ATXN1: variants seen among roughly 807,000 people sequenced by gnomAD.
The protein encoded by ATXN1 is ataxin 1.
ATXN1 carries 8 observed loss-of-function variants against 56.4 expected under a neutral mutation model. The ratio of observed to expected loss-of-function variants is 0.14; its 90% CI spans 0.08 to 0.26. The LOEUF (loss-of-function observed/expected upper bound fraction) is 0.26. Ranked by LOEUF, ATXN1 falls within the 10% of genes least tolerant of loss-of-function variation. The probability of loss-of-function intolerance (pLI) is 1.00; values close to 1 mark genes in which losing one functional copy is unlikely to be tolerated. For missense variants in ATXN1, 987 were observed against 1,106.5 expected (o/e 0.89, Z 1.53); for synonymous variants, 514 against 494.6 (o/e 1.04, Z -0.52).
intron 7 of ATXN1, among the ~76,000 whole-genome samples, chr6:16,315,954 T>C (rs150153668): frequency 7.1e-4 from 108 of 152,212 alleles, no homozygotes; most frequent in African/African-American, 2.5e-3. Flanking sequence ...AGTGCTGAGA[T>C]TACAAGCATG....
intron 1 of ATXN1, 100 bp from the exon 2 acceptor site, chr6:16,753,447 T>C (rs1760788832): frequency 2.4e-6 from 1 of 423,440 alleles, no homozygotes; most frequent in African/African-American, 2.0e-5. Flanking sequence ...TGCACCGAAA[T>C]ACAAATTTTA....
At chr6:16,514,778 T>A (rs1352055909) in intron 5 of ATXN1, among the ~76,000 whole-genome samples, 1 of 151,788 alleles carries the variant, frequency 6.6e-6, no homozygotes, top group African/African-American at 2.4e-5. Context: ...GGTCAAGAGA[T>A]CGAGACCAGC....
chr6:16,499,956 C>T (rs1760852133), intron 5 of ATXN1, among the ~76,000 whole-genome samples: 1 of 152,078 alleles, frequency 6.6e-6, no homozygotes, highest in Non-Finnish European at 1.5e-5. Context: ...CCTTACTTAA[C>T]TGGTCTGGGG....
chr6:16,702,019 A>G (rs1759296175), intron 2 of ATXN1, among the ~76,000 whole-genome samples: 1 of 152,054 alleles, frequency 6.6e-6, no homozygotes, highest in Non-Finnish European at 1.5e-5. Context: ...AAGAGCCCAC[A>G]TTGCCAAGTC....
intron 6 of ATXN1, among the ~76,000 whole-genome samples, chr6:16,408,826 A>G (rs1758739888): frequency 6.6e-6 from 1 of 152,158 alleles, no homozygotes; most frequent in African/African-American, 2.4e-5. Context: ...CTGCAGCCTC[A>G]ATCTCCTGGG....
chr6:16,644,046 A>C (rs1481044713), intron 3 of ATXN1, among the ~76,000 whole-genome samples: 1 of 152,220 alleles, frequency 6.6e-6, no homozygotes, highest in Non-Finnish European at 1.5e-5. Context: ...CTAAAATAAG[A>C]AACTTCATAG....
At chr6:16,596,078 C>T (rs931406751) in intron 3 of ATXN1, among the ~76,000 whole-genome samples, 5 of 152,200 alleles carry the variant, frequency 3.3e-5, no homozygotes, top group African/African-American at 1.2e-4. Flanking sequence ...CTCACTGCAG[C>T]CTCTAACTCC....
intron 6 of ATXN1, among the ~76,000 whole-genome samples, chr6:16,400,087 C>T (rs975140223): frequency 1.4e-4 from 22 of 152,138 alleles, no homozygotes; most frequent in African/African-American, 2.9e-4. Flanking sequence ...TCCACTAGAA[C>T]GCTGGGGGCT....
At chr6:16,612,966 T>C (rs1763138334) in intron 3 of ATXN1, among the ~76,000 whole-genome samples, 1 of 148,672 alleles carries the variant, frequency 6.7e-6, no homozygotes. Flanking sequence ...TATCCAAATG[T>C]GAGATAAAAA....
At chr6:16,531,914 T>A (rs1249019919) in intron 4 of ATXN1, among the ~76,000 whole-genome samples, 1 of 152,236 alleles carries the variant, frequency 6.6e-6, no homozygotes, top group Non-Finnish European at 1.5e-5. Context: ...TATACGGTTC[T>A]AAAAATAGTA....
In ATXN1 at chr6:16,306,184, C is replaced by A. The variant is rs1760243217; in HGVS notation, c.*145G>T. ...TATGCACCAGTCTCCTGCGACACAC[C>A]TGCTGTAACTCTAATGACAAGGTTA... is the stretch of plus-strand genomic sequence containing the variant. On this transcript the variant is annotated 3_prime_UTR_variant, in exon 8 of 8. Coordinates refer to ENST00000436367, the MANE Select transcript of ATXN1 (RefSeq NM_001128164.2). This position sits in a 1 kb window ranked among gnomAD's most constrained non-coding sequence, Gnocchi z 5.2. 3 of 1,051,728 alleles carry A rather than the reference C, an allele frequency of 2.9e-6. No individual in the cohort carries two copies. Among genetic ancestry groups the A allele is most frequent in the Non-Finnish European group, 4.1e-6 (3 of 731,832 alleles). 65.1% of individuals were successfully genotyped at this position (1,051,728 alleles called of 1,614,324 possible). A position where few individuals can be genotyped will look rare whatever the true frequency, so the allele number is the denominator to read the frequency against.
rs142543027 is a variant in ATXN1, at chr6:16,699,792, C to T, written c.-614-41891G>A. 5.2e-3 allele frequency among the ~76,000 whole-genome samples: 788 copies of T among 152,300 alleles called. 3 individuals are homozygous for T. Among genetic ancestry groups the T allele is most frequent in the African/African-American group, 0.017 (703 of 41,552 alleles). ...TTCTGAGTAAGAATCAACTGTGTCC[C>T]TTAGAAGAAAAACATCCCAAATTCA... On this transcript the variant is annotated intron_variant, in intron 2 of 7. Transcript: ENST00000436367.
At position 16,327,614 on chromosome 6, in the gene ATXN1, G is replaced by A. The variant is rs1231324386; in HGVS notation, c.697C>T (p.Leu233Phe). ...QQQHLSRAPG[L>F]ITPGSPPPAQ... is the part of the protein sequence containing the mutation. ...GGTGGGGGGGACCCCGGGGTGATGA[G>A]CCCCGGAGCCCTGCTGAGGTGCTGC... The change falls in exon 7 of 8, where the codon CTC becomes TTC. Residue 233 changes from leucine to phenylalanine, a missense_variant. Leu to Phe is a conservative substitution (Grantham distance 22). Coordinates refer to ENST00000436367, the MANE Select transcript of ATXN1 (RefSeq NM_001128164.2). 6.9e-6 allele frequency: 11 copies of A among 1,589,162 alleles called. No homozygotes were observed. The highest frequency in any genetic ancestry group is 8.6e-6 in the Non-Finnish European group (10 of 1,169,354).
chr6:16,668,442 C>G (rs774783394), intron 2 of ATXN1, among the ~76,000 whole-genome samples: 1 of 145,218 alleles, frequency 6.9e-6, no homozygotes, highest in Non-Finnish European at 1.5e-5. Context: ...TTTTAAACAT[C>G]TTGCCTTTTG....
intron 2 of ATXN1, among the ~76,000 whole-genome samples, chr6:16,718,294 G>A (rs1399312572): frequency 6.6e-6 from 1 of 152,218 alleles, no homozygotes; most frequent in Non-Finnish European, 1.5e-5. Context: ...CAAAATGAAA[G>A]AGCATTCCAG....
chr6:16,711,765 G>C (rs531212994), intron 2 of ATXN1, among the ~76,000 whole-genome samples: 1 of 151,900 alleles, frequency 6.6e-6, no homozygotes, highest in African/African-American at 2.4e-5. Context: ...TTACAGGTGC[G>C]TGCCACTGCT....
chr6:16,679,546 C>G (rs1308977224), intron 2 of ATXN1, among the ~76,000 whole-genome samples: 1 of 152,152 alleles, frequency 6.6e-6, no homozygotes, highest in African/African-American at 2.4e-5. Context: ...CATATATAGT[C>G]AAAATTAACT....
intron 5 of ATXN1, among the ~76,000 whole-genome samples, chr6:16,490,235 A>G (rs1394929715): frequency 6.6e-6 from 1 of 151,958 alleles, no homozygotes; most frequent in South Asian, 2.1e-4. Flanking sequence ...TGGAGTCTGA[A>G]TCCATTCTCC....
intron 6 of ATXN1, among the ~76,000 whole-genome samples, chr6:16,441,357 C>T (rs369463873): frequency 1.3e-5 from 2 of 151,974 alleles, no homozygotes; most frequent in Non-Finnish European, 2.9e-5. Flanking sequence ...CAACAGAAGA[C>T]GGAGTTCTAT....
Sources: gnomAD v4.1 joint callset for allele counts (sites outside exome capture counted in the v4.1 genomes callset) on GRCh38, gnomAD v4.1.1 for gene constraint, Gnocchi (gnomAD v3.1) non-coding constraint, MANE v1.5 for transcripts, NCBI Gene and HGNC (gene_info 2026-07-23, HGNC 2026-07-21) for gene names.